Variants in ARID1B observed in about 807,000 individuals in gnomAD.
ARID1B encodes the protein AT-rich interaction domain 1B.
Under a neutral mutation model 212.3 loss-of-function variants are expected in ARID1B, and 30 were observed. The observed-to-expected ratio is 0.14, with a 90% CI of 0.11 to 0.19. The LOEUF (loss-of-function observed/expected upper bound fraction) is 0.19, where lower values mean the gene tolerates loss of function less well. Among genes scored for constraint, ARID1B ranks in the 10% least tolerant of loss-of-function variants. ARID1B has a pLI of 1.00. For synonymous variants in ARID1B, 1,402 were observed against 1,301.7 expected (o/e 1.08, Z -1.66); for missense variants, 2,891 against 3,204.0 (o/e 0.90, Z 2.36).
chr6:157,009,039 T>A (rs1203101598), intron 4 of ARID1B, among the ~76,000 whole-genome samples: 1 of 152,204 alleles, frequency 6.6e-6, no homozygotes, highest in Admixed American at 6.5e-5. Context: ...AATAATCGGC[T>A]TCTTTGTAAA....
intron 4 of ARID1B, among the ~76,000 whole-genome samples, chr6:157,008,669 G>A (rs977080897): frequency 4.6e-5 from 7 of 152,112 alleles, no homozygotes; most frequent in African/African-American, 1.7e-4. Context: ...GTGGGAGGTG[G>A]TGGGAGGCCT....
chr6:156,980,477 A>C (rs944595790), intron 4 of ARID1B, among the ~76,000 whole-genome samples: 1 of 151,514 alleles, frequency 6.6e-6, no homozygotes, highest in Non-Finnish European at 1.5e-5. Flanking sequence ...GAGCCAACCT[A>C]CATCTCAAAA....
At chr6:157,132,377 A>G (rs538540048) in intron 6 of ARID1B, among the ~76,000 whole-genome samples, 1 of 152,276 alleles carries the variant, frequency 6.6e-6, no homozygotes, top group East Asian at 1.9e-4. Flanking sequence ...TTTGAAGGAG[A>G]AAGTCAGAGG....
intron 4 of ARID1B, among the ~76,000 whole-genome samples, chr6:157,041,943 A>G (rs553960719): frequency 1.3e-5 from 2 of 152,136 alleles, no homozygotes; most frequent in African/African-American, 4.8e-5. Flanking sequence ...CTCCTTGCGC[A>G]TTTGACCTAA....
chr6:156,837,128 A>G (rs550375698), intron 2 of ARID1B, among the ~76,000 whole-genome samples: 2 of 152,240 alleles, frequency 1.3e-5, no homozygotes, highest in Non-Finnish European at 2.9e-5. Context: ...TATCAGTCTA[A>G]TAAATTATTT....
At chr6:156,864,580 C>A (rs988759193) in intron 2 of ARID1B, among the ~76,000 whole-genome samples, 1 of 152,168 alleles carries the variant, frequency 6.6e-6, no homozygotes, top group African/African-American at 2.4e-5. Flanking sequence ...AGGTACTGCC[C>A]GCCTTAGCCC....
At chr6:157,024,089 G>GA (rs1358704808) in intron 4 of ARID1B, 4 of 152,246 alleles carry the variant, frequency 2.6e-5, no homozygotes, top group African/African-American at 9.6e-5. Flanking sequence ...TACTTAACTT[G>GA]AAGGCCTCTT....
intron 4 of ARID1B, among the ~76,000 whole-genome samples, chr6:157,009,639 T>C (rs924553425): frequency 2.0e-5 from 3 of 152,236 alleles, no homozygotes; most frequent in African/African-American, 7.2e-5. Context: ...TGACGCAAAA[T>C]GCTCATCAAT....
chr6:157,164,554 C>T (rs916606117), intron 8 of ARID1B: 15 of 152,118 alleles, frequency 9.9e-5, no homozygotes, highest in African/African-American at 3.4e-4. Context: ...CTTGAAAAGG[C>T]GACCATCTTT....
intron 4 of ARID1B, among the ~76,000 whole-genome samples, chr6:157,015,019 G>A (rs1291494315): frequency 6.6e-6 from 1 of 152,164 alleles, no homozygotes; most frequent in Non-Finnish European, 1.5e-5. Context: ...TGACTCGAGG[G>A]CATCAGACTG....
chr6:156,946,212 A>AT, intron 4 of ARID1B, among the ~76,000 whole-genome samples: 1 of 151,512 alleles, frequency 6.6e-6, no homozygotes, highest in African/African-American at 2.4e-5. Context: ...CGAAAAAAAA[A>AT]AAAAAAAATG....
chr6:156,947,931 C>T (rs914721342), intron 4 of ARID1B, among the ~76,000 whole-genome samples: 1 of 151,938 alleles, frequency 6.6e-6, no homozygotes, highest in African/African-American at 2.4e-5. Context: ...GCTGTAATTT[C>T]CAGCTACGAA....
chr6:157,170,094 C>T (rs978235454), intron 9 of ARID1B: 1 of 152,174 alleles, frequency 6.6e-6, no homozygotes, highest in African/African-American at 2.4e-5. Flanking sequence ...CTGGGGCTCC[C>T]TTCAGAATTC....
At chr6:157,144,490 T>TTAATTACTATGAATATATGAATTAA (rs1789583280) in intron 7 of ARID1B, among the ~76,000 whole-genome samples, 2 of 152,240 alleles carry the variant, frequency 1.3e-5, no homozygotes, top group African/African-American at 4.8e-5. Flanking sequence ...TACTTGTGCA[T>TTAATTACTATGAATATATGAATTAA]TCAAACTATG....
intron 6 of ARID1B, among the ~76,000 whole-genome samples, chr6:157,127,606 C>T (rs1006433328): frequency 1.3e-5 from 2 of 149,746 alleles, no homozygotes; most frequent in African/African-American, 4.9e-5. Context: ...CCGGTCTCTA[C>T]TAAAAATACA....
intron 4 of ARID1B, among the ~76,000 whole-genome samples, chr6:157,039,718 C>CCTTCCTTCCTTCCTTCCTTCCTTCCTT (rs1781678055): frequency 9.7e-6 from 1 of 102,666 alleles, no homozygotes; most frequent in Non-Finnish European, 1.8e-5. Flanking sequence ...TTCTTTCCTT[C>CCTTCCTTCCTTCCTTCCTTCCTTCCTT]CTTTCTTTCT....
intron 4 of ARID1B, among the ~76,000 whole-genome samples, chr6:157,018,669 G>GCACATCT (rs1780052713): frequency 6.6e-6 from 1 of 152,140 alleles, no homozygotes; most frequent in Admixed American, 6.5e-5. Flanking sequence ...CTGGTTTCCA[G>GCACATCT]CACATCTCTT....
At chr6:157,027,014 A>C (rs376856063) in intron 4 of ARID1B, among the ~76,000 whole-genome samples, 117 of 152,342 alleles carry the variant, frequency 7.7e-4, no homozygotes, top group African/African-American at 2.7e-3. Context: ...GTAAGGCTGT[A>C]TTAAGCAATT....
At chr6:156,963,139 T>G (rs1261652929) in intron 4 of ARID1B, among the ~76,000 whole-genome samples, 1 of 152,198 alleles carries the variant, frequency 6.6e-6, no homozygotes, top group African/African-American at 2.4e-5. Flanking sequence ...AGGTTCTGTT[T>G]GTTTTAGAGG....
Sources: gnomAD v4.1 joint callset for allele counts (sites outside exome capture counted in the v4.1 genomes callset) on GRCh38, gnomAD v4.1.1 for gene constraint, MANE v1.5 for transcripts, NCBI Gene and HGNC (gene_info 2026-07-23, HGNC 2026-07-21) for gene names.